Variants in COMMD10 observed in about 807,000 individuals in gnomAD.
The protein encoded by COMMD10 is COMM domain-containing protein 10.
A neutral mutation model predicts 28.9 loss-of-function variants in COMMD10; 33 were observed. The observed-to-expected ratio is 1.14, with a 90% CI of 0.87 to 1.53. The LOEUF (loss-of-function observed/expected upper bound fraction) is 1.53. Ranked by LOEUF, COMMD10 falls within the 40% of genes most tolerant of loss-of-function variation. COMMD10 has a pLI of 0.00. For synonymous variants in COMMD10, 110 were observed against 81.7 expected, an observed-to-expected ratio of 1.35 and a Z score of -1.87; for missense variants, 310 against 233.4, an observed-to-expected ratio of 1.33 and a Z score of -2.14.
chr5:116,169,587 C>G (rs1446260630), intron 5 of COMMD10, among the ~76,000 whole-genome samples: 2 of 152,050 alleles, frequency 1.3e-5, no homozygotes, highest in East Asian at 3.9e-4. Context: ...GTGAAAATCC[C>G]AATAAAATAC....
intron 5 of COMMD10, among the ~76,000 whole-genome samples, chr5:116,230,505 C>T (rs963548485): frequency 2.0e-5 from 3 of 151,860 alleles, no homozygotes; most frequent in African/African-American, 7.3e-5. Flanking sequence ...TAAATACCTG[C>T]TGAATTAAGG....
At chr5:116,213,124 G>A (rs1010435627) in intron 5 of COMMD10, among the ~76,000 whole-genome samples, 6 of 151,964 alleles carry the variant, frequency 3.9e-5, no homozygotes, top group African/African-American at 1.5e-4. Context: ...ATACCATTAT[G>A]ATATAACTTG....
rs187594080 is a variant in COMMD10 at position 116,219,669 on chromosome 5, T to C, written c.511-71848T>C. ...TCTGCCCAGTGAAACTATTTTGGAC[T>C]TTGTGAGGGAATATATTTCTTTTTG... On this transcript the variant is annotated intron_variant, in intron 5 of 6. Coordinates refer to ENST00000274458, the MANE Select transcript of COMMD10 (RefSeq NM_016144.4). Among the ~76,000 whole-genome samples, 16 of 152,288 alleles carry C rather than the reference T, an allele frequency of 1.1e-4. No individual in the cohort carries two copies. In the East Asian group the frequency reaches 3.1e-3, roughly 29 times the overall value.
At chr5:116,185,941 A>G (rs1748121650) in intron 5 of COMMD10, among the ~76,000 whole-genome samples, 1 of 152,112 alleles carries the variant, frequency 6.6e-6, no homozygotes, top group Admixed American at 6.6e-5. Context: ...CTGACCCTGG[A>G]TGAATGTTAC....
At chr5:116,203,214 A>C (rs1423969099) in intron 5 of COMMD10, among the ~76,000 whole-genome samples, 1 of 152,176 alleles carries the variant, frequency 6.6e-6, no homozygotes, top group African/African-American at 2.4e-5. Flanking sequence ...GAAACGCAGA[A>C]AACCTCCAAG....
At chr5:116,146,598 A>G (rs917217431) in intron 5 of COMMD10, among the ~76,000 whole-genome samples, 5 of 151,902 alleles carry the variant, frequency 3.3e-5, no homozygotes, top group Non-Finnish European at 7.4e-5. Flanking sequence ...GGAGTTGACA[A>G]ACACTTCTTT....
At chr5:116,154,005 C>G (rs1752622568) in intron 5 of COMMD10, among the ~76,000 whole-genome samples, 1 of 151,976 alleles carries the variant, frequency 6.6e-6, no homozygotes, top group Non-Finnish European at 1.5e-5. Flanking sequence ...TAGAGCTTAG[C>G]CACTCAACCA....
intron 5 of COMMD10, among the ~76,000 whole-genome samples, chr5:116,192,884 G>C (rs577251311): frequency 6.6e-6 from 1 of 152,122 alleles, no homozygotes; most frequent in African/African-American, 2.4e-5. Flanking sequence ...AAGTTAAGAC[G>C]AAAGAATCTT....
At chr5:116,219,660 A>G (rs1348083757) in intron 5 of COMMD10, among the ~76,000 whole-genome samples, 1 of 152,154 alleles carries the variant, frequency 6.6e-6, no homozygotes, top group Non-Finnish European at 1.5e-5. Context: ...CAGTGAAACT[A>G]TTTTGGACTT....
intron 5 of COMMD10, among the ~76,000 whole-genome samples, chr5:116,211,653 C>T (rs1017575472): frequency 2.0e-5 from 3 of 152,048 alleles, no homozygotes; most frequent in African/African-American, 7.2e-5. Context: ...GCTCAAATAA[C>T]ATACATGGAT....
intron 5 of COMMD10, among the ~76,000 whole-genome samples, chr5:116,166,136 T>C (rs1205442907): frequency 2.4e-5 from 3 of 124,108 alleles, no homozygotes; most frequent in Non-Finnish European, 5.0e-5. Flanking sequence ...GCACATGGAC[T>C]TGAGTCCATT....
chr5:116,140,182 G>T (rs1752152268), intron 5 of COMMD10, among the ~76,000 whole-genome samples: 1 of 149,692 alleles, frequency 6.7e-6, no homozygotes, highest in Non-Finnish European at 1.5e-5. Context: ...ATTCATCCAT[G>T]TTGTTGCAAA....
chr5:116,168,187 C>T (rs1580512709), intron 5 of COMMD10, among the ~76,000 whole-genome samples: 1 of 148,040 alleles, frequency 6.8e-6, no homozygotes, highest in Non-Finnish European at 1.5e-5. Context: ...GATTGCAGTC[C>T]TAGTGTCAGA....
chr5:116,184,981 A>G (rs1748091459), intron 5 of COMMD10, among the ~76,000 whole-genome samples: 1 of 152,098 alleles, frequency 6.6e-6, no homozygotes, highest in African/African-American at 2.4e-5. Context: ...TGAGAATAAT[A>G]TGACTTCCTG....
chr5:116,283,551 T>G (rs985551089), intron 5 of COMMD10, among the ~76,000 whole-genome samples: 2 of 151,600 alleles, frequency 1.3e-5, no homozygotes, highest in African/African-American at 4.9e-5. Flanking sequence ...TTCACCATGT[T>G]GTCCAGGCTG....
chr5:116,165,887 G>A (rs7727974), intron 5 of COMMD10, among the ~76,000 whole-genome samples: 47,078 of 151,770 alleles, frequency 0.31, 10,203 homozygotes, highest in African/African-American at 0.62. Context: ...GAATTTTGGG[G>A]TATACAAGAA....
intron 5 of COMMD10, among the ~76,000 whole-genome samples, chr5:116,141,365 T>C (rs1158192870): frequency 6.6e-6 from 1 of 151,926 alleles, no homozygotes; most frequent in South Asian, 2.1e-4. Flanking sequence ...GTGTGATACA[T>C]CTAACTTTGT....
intron 3 of COMMD10, among the ~76,000 whole-genome samples, 178 bp downstream of exon 3, chr5:116,091,367 A>T (rs1750294466): frequency 6.6e-6 from 1 of 152,236 alleles, no homozygotes; most frequent in South Asian, 2.1e-4. Flanking sequence ...GTATTTAAAT[A>T]TGAATTGAGA....
chr5:116,179,803 T>A (rs954797172), intron 5 of COMMD10, among the ~76,000 whole-genome samples: 2 of 152,080 alleles, frequency 1.3e-5, no homozygotes, highest in South Asian at 4.2e-4. Context: ...CCATGAAAGA[T>A]TGAAGTAATA....
Sources: gnomAD v4.1 joint callset for allele counts (sites outside exome capture counted in the v4.1 genomes callset) on GRCh38, gnomAD v4.1.1 for gene constraint, MANE v1.5 for transcripts, NCBI Gene and HGNC (gene_info 2026-07-23, HGNC 2026-07-21) for gene names.